TAFA1: variants seen among roughly 807,000 people sequenced by gnomAD.
The protein encoded by TAFA1 is TAFA chemokine like family member 1, also known as chemokine-like protein TAFA-1.
A neutral mutation model predicts 18.5 loss-of-function variants in TAFA1; 4 were observed. That is an observed-to-expected ratio of 0.22 (90% CI 0.11 to 0.49). The LOEUF is 0.49. Among genes scored for constraint, TAFA1 ranks in the 20% least tolerant of loss-of-function variants. TAFA1 has a pLI of 0.98. For synonymous variants in TAFA1, 56 were observed against 55.2 expected (o/e 1.01, Z -0.06); for missense variants, 147 against 169.0 (o/e 0.87, Z 0.72).
intron 2 of TAFA1, among the ~76,000 whole-genome samples, chr3:68,140,476 T>C (rs187973053): frequency 7.9e-5 from 12 of 152,346 alleles, no homozygotes; most frequent in Non-Finnish European, 1.5e-4. Flanking sequence ...ATTTGGACTA[T>C]ACATTTCTAA....
chr3:68,208,263 C>T lies in TAFA1; in HGVS notation c.118+201519C>T, dbSNP rs145383783. Among the ~76,000 whole-genome samples the T allele has an allele frequency of 1.6e-3, 242 of 151,948 alleles. 3 individuals carry two copies. In the East Asian group the frequency reaches 0.036, roughly 23 times the overall value. On this transcript the variant is annotated intron_variant, in intron 2 of 4. Transcript: ENST00000478136. ...TGCAGCATCAGCAGAGTCCATTGTG[C>T]GTTTATAGCCTTAGAGCTCGTCGTG... is the stretch of plus-strand genomic sequence containing the variant.
At chr3:68,233,222 C>T (rs1353653826) in intron 2 of TAFA1, among the ~76,000 whole-genome samples, 4 of 151,298 alleles carry the variant, frequency 2.6e-5, no homozygotes, top group Non-Finnish European at 5.9e-5. Context: ...TTATTTTTTG[C>T]TGTTGAGTTC....
intron 3 of TAFA1, among the ~76,000 whole-genome samples, chr3:68,496,680 T>C (rs1159618594): frequency 6.6e-6 from 1 of 152,132 alleles, no homozygotes; most frequent in African/African-American, 2.4e-5. Flanking sequence ...TCAAGCACAG[T>C]GGTTAAGAAT....
At chr3:68,462,170 T>C (rs2071796078) in intron 3 of TAFA1, among the ~76,000 whole-genome samples, 1 of 152,166 alleles carries the variant, frequency 6.6e-6, no homozygotes, top group South Asian at 2.1e-4. Context: ...TCTACACTTA[T>C]ATTTTTCAAA....
intron 2 of TAFA1, among the ~76,000 whole-genome samples, chr3:68,191,403 C>T (rs1157945668): frequency 1.3e-5 from 2 of 151,794 alleles, no homozygotes; most frequent in Non-Finnish European, 2.9e-5. Context: ...AAAAACGTAA[C>T]TATGGTCAGA....
chr3:68,356,329 C>T (rs546056533), intron 2 of TAFA1, among the ~76,000 whole-genome samples: 1 of 151,982 alleles, frequency 6.6e-6, no homozygotes, highest in South Asian at 2.1e-4. Flanking sequence ...TAAAACTTGT[C>T]CCTAAGGGTG....
intron 3 of TAFA1, among the ~76,000 whole-genome samples, chr3:68,529,208 A>G (rs1380136954): frequency 6.6e-6 from 1 of 151,940 alleles, no homozygotes; most frequent in Non-Finnish European, 1.5e-5. Flanking sequence ...TACTGGTTAA[A>G]GTGTTCCTCT....
At chr3:68,357,016 C>A (rs1408894266) in intron 2 of TAFA1, among the ~76,000 whole-genome samples, 1 of 151,788 alleles carries the variant, frequency 6.6e-6, no homozygotes, top group African/African-American at 2.4e-5. Flanking sequence ...TGAACAAAAC[C>A]TTTAAGGTTG....
intron 3 of TAFA1, among the ~76,000 whole-genome samples, chr3:68,506,472 G>GAGACACACACACACAC (rs140666452): frequency 6.6e-6 from 1 of 150,740 alleles, no homozygotes; most frequent in Non-Finnish European, 1.5e-5. Flanking sequence ...CACACACAGA[G>GAGACACACACACACAC]ACACACACAC....
intron 2 of TAFA1, among the ~76,000 whole-genome samples, chr3:68,136,036 C>A (rs1285630106): frequency 6.6e-6 from 1 of 152,154 alleles, no homozygotes; most frequent in Non-Finnish European, 1.5e-5. Flanking sequence ...TGCACATATT[C>A]TTCTGATTTT....
chr3:68,164,873 T>A (rs2065965380), intron 2 of TAFA1, among the ~76,000 whole-genome samples: 2 of 152,262 alleles, frequency 1.3e-5, no homozygotes, highest in South Asian at 4.1e-4. Context: ...TCCTCTGAGA[T>A]GTATCATTTT....
At chr3:68,092,037 C>G (rs957648279) in intron 2 of TAFA1, among the ~76,000 whole-genome samples, 1 of 152,118 alleles carries the variant, frequency 6.6e-6, no homozygotes, top group Non-Finnish European at 1.5e-5. Context: ...TGTCCCATTT[C>G]CTGGAATTAT....
In TAFA1 at chr3:68,367,066, A is replaced by G. The variant is rs1037540785; in HGVS notation, c.119-50214A>G. 1.2e-4 allele frequency among the ~76,000 whole-genome samples: 18 copies of G among 152,306 alleles called. 1 individual carries two copies. The highest frequency in any genetic ancestry group is 9.2e-4 in the Admixed American group (14 of 15,300). The stretch of plus-strand genomic sequence containing the variant: ...TAGGGATCTTATTTAAGATCATTAT[A>G]AGGTGCTACATTCCCTTATGGGGTG... On this transcript the variant is annotated intron_variant, in intron 2 of 4. Transcript: ENST00000478136.
chr3:68,474,728 C>T (rs959493478), intron 3 of TAFA1, among the ~76,000 whole-genome samples: 7 of 152,222 alleles, frequency 4.6e-5, no homozygotes, highest in African/African-American at 7.2e-5. Context: ...TTCAAACAGG[C>T]GTCATACCTG....
At chr3:68,515,534 G>A (rs1285779370) in intron 3 of TAFA1, among the ~76,000 whole-genome samples, 2 of 152,124 alleles carry the variant, frequency 1.3e-5, no homozygotes, top group Admixed American at 1.3e-4. Flanking sequence ...TTAAAGTATT[G>A]TTCCCAGAAG....
intron 2 of TAFA1, among the ~76,000 whole-genome samples, chr3:68,255,881 T>G (rs2067289121): frequency 6.6e-6 from 1 of 152,078 alleles, no homozygotes; most frequent in South Asian, 2.1e-4. Flanking sequence ...ATTTCAGTGT[T>G]AACAAACACT....
intron 3 of TAFA1, among the ~76,000 whole-genome samples, chr3:68,423,287 A>G (rs1183849533): frequency 6.6e-6 from 1 of 152,130 alleles, no homozygotes; most frequent in African/African-American, 2.4e-5. Context: ...TAACCCTATA[A>G]GGTATGTCCT....
chr3:68,350,412 G>T (rs2069244667), intron 2 of TAFA1, among the ~76,000 whole-genome samples: 2 of 152,078 alleles, frequency 1.3e-5, no homozygotes, highest in Non-Finnish European at 2.9e-5. Context: ...TTTCTCAAAG[G>T]CTGGTCCTTG....
At chr3:68,317,511 AC>A (rs1237739319) in intron 2 of TAFA1, among the ~76,000 whole-genome samples, 1 of 152,196 alleles carries the variant, frequency 6.6e-6, no homozygotes, top group African/African-American at 2.4e-5. Context: ...AGGAAGTGAC[AC>A]ACAACACTTC....
Sources: allele counts gnomAD v4.1 joint callset (sites outside exome capture counted in the v4.1 genomes callset), GRCh38; gene constraint gnomAD v4.1.1; transcripts MANE v1.5; gene names NCBI Gene and HGNC (gene_info 2026-07-23, HGNC 2026-07-21).